CCDC178: variants seen among roughly 807,000 people sequenced by gnomAD.
CCDC178 encodes the protein coiled-coil domain-containing protein 178.
CCDC178 carries 126 observed loss-of-function variants against 117.4 expected under a neutral mutation model. The observed-to-expected ratio is 1.07, with a 90% CI of 0.93 to 1.24. The LOEUF is 1.24. CCDC178 is among the 50% of genes most tolerant of loss of function. The pLI, the probability that CCDC178 is intolerant of heterozygous loss-of-function variation, is 0.00. For missense variants in CCDC178, 1,030 were observed against 986.9 expected, an observed-to-expected ratio of 1.04 and a Z score of -0.59; for synonymous variants, 283 against 313.4, an observed-to-expected ratio of 0.90 and a Z score of 1.02.
intron 21 of CCDC178, among the ~76,000 whole-genome samples, chr18:32,999,582 TG>T (rs2055590158): frequency 6.6e-6 from 1 of 152,178 alleles, no homozygotes; most frequent in Non-Finnish European, 1.5e-5. Context: ...GTCCCAGTGG[TG>T]GTGGCCACAG....
intron 20 of CCDC178, among the ~76,000 whole-genome samples, chr18:33,099,986 A>C (rs2057600221): frequency 6.6e-6 from 1 of 152,026 alleles, no homozygotes; most frequent in South Asian, 2.1e-4. Context: ...TGTTTAACAA[A>C]ATGCTCTCTA....
At chr18:33,257,353 A>T (rs755657763) in intron 14 of CCDC178, among the ~76,000 whole-genome samples, 1 of 152,104 alleles carries the variant, frequency 6.6e-6, no homozygotes, top group Non-Finnish European at 1.5e-5. Flanking sequence ...TCATGGGTAG[A>T]TTATTTTCTA....
intron 20 of CCDC178, among the ~76,000 whole-genome samples, chr18:33,099,004 G>A (rs952563900): frequency 1.3e-5 from 2 of 152,036 alleles, no homozygotes; most frequent in African/African-American, 2.4e-5. Context: ...TCAGAAGATC[G>A]AAGCTGCCCC....
At chr18:32,973,568 G>A (rs1568190693) in intron 22 of CCDC178, among the ~76,000 whole-genome samples, 1 of 150,334 alleles carries the variant, frequency 6.7e-6, no homozygotes, top group Non-Finnish European at 1.5e-5. Flanking sequence ...CATATATAAA[G>A]CACACACACA....
At chr18:33,014,896 TG>T (rs755406704) in intron 21 of CCDC178, among the ~76,000 whole-genome samples, 11 of 152,124 alleles carry the variant, frequency 7.2e-5, no homozygotes, top group Non-Finnish European at 1.3e-4. Flanking sequence ...TTTCCAGAGT[TG>T]CCAAATTATA....
At chr18:33,389,994 G>GTA (rs72346999) in intron 4 of CCDC178, among the ~76,000 whole-genome samples, 2,161 of 147,562 alleles carry the variant, frequency 0.015, 21 homozygotes, top group Non-Finnish European at 0.024. Flanking sequence ...ATGTGTATGT[G>GTA]TATATATATA....
At chr18:32,983,443 A>G in intron 21 of CCDC178, 1 of 720,804 alleles carries the variant, frequency 1.4e-6, no homozygotes, top group South Asian at 1.7e-5. Context: ...AAATAGTACA[A>G]CTGTAGAAGC....
intron 20 of CCDC178, among the ~76,000 whole-genome samples, chr18:33,166,947 T>G (rs1455439335): frequency 6.6e-6 from 1 of 152,148 alleles, no homozygotes; most frequent in Non-Finnish European, 1.5e-5. Context: ...CACCCTCAAG[T>G]AGGCCTTGAT....
chr18:33,262,589 A>C (rs1385491628), intron 14 of CCDC178, among the ~76,000 whole-genome samples: 1 of 152,130 alleles, frequency 6.6e-6, no homozygotes, highest in Non-Finnish European at 1.5e-5. Context: ...CCTTAGACTC[A>C]ATGTTGTCAC....
At position 33,229,121 on chromosome 18, in the gene CCDC178, G is replaced by A. The variant is rs75243251; in HGVS notation, c.1594-2266C>T. 1.9e-3 allele frequency among the ~76,000 whole-genome samples: 288 copies of A among 152,220 alleles called. 1 individual carries two copies. Among genetic ancestry groups the A allele is most frequent in the African/African-American group, 6.5e-3 (268 of 41,544 alleles). On this transcript the variant is annotated intron_variant, in intron 15 of 22. Transcript: ENST00000383096. ...GAGCATATTTGGAATCAACTCCTGTGGACAGGAGAGGAATGAAGCAGGATT... is the reference window on the plus strand; with the variant it reads ...GAGCATATTTGGAATCAACTCCTGTAGACAGGAGAGGAATGAAGCAGGATT...
intron 20 of CCDC178, among the ~76,000 whole-genome samples, chr18:33,170,115 T>C (rs954263142): frequency 1.3e-5 from 2 of 151,976 alleles, no homozygotes; most frequent in South Asian, 4.1e-4. Context: ...CTTCACTTTG[T>C]AGAAGGGTAA....
chr18:33,248,601 C>A (rs2059578505), intron 14 of CCDC178, among the ~76,000 whole-genome samples: 1 of 151,868 alleles, frequency 6.6e-6, no homozygotes, highest in South Asian at 2.1e-4. Context: ...TAAACTCATC[C>A]TTTTTTATGG....
At chr18:33,323,899 T>C (rs1481873234) in intron 10 of CCDC178, among the ~76,000 whole-genome samples, 2 of 151,824 alleles carry the variant, frequency 1.3e-5, no homozygotes, top group Non-Finnish European at 3.0e-5. Context: ...AAAAAATTTT[T>C]ATTACTCAAA....
At chr18:33,057,668 T>C (rs1407553323) in intron 21 of CCDC178, among the ~76,000 whole-genome samples, 1 of 152,120 alleles carries the variant, frequency 6.6e-6, no homozygotes, top group Admixed American at 6.5e-5. Context: ...ATGTTTGGTA[T>C]TTTTTTAGTA....
chr18:33,092,070 T>C (rs1270545757), intron 21 of CCDC178, among the ~76,000 whole-genome samples: 3 of 152,196 alleles, frequency 2.0e-5, no homozygotes, highest in African/African-American at 7.2e-5. Flanking sequence ...GTTAGGTTAA[T>C]TATTAAAAAA....
intron 7 of CCDC178, among the ~76,000 whole-genome samples, chr18:33,355,578 C>T (rs1228637490): frequency 1.3e-5 from 2 of 152,176 alleles, no homozygotes; most frequent in African/African-American, 4.8e-5. Flanking sequence ...ATTTTTCCAG[C>T]CCTCTGTGTT....
chr18:33,119,867 G>T (rs1429280504), intron 20 of CCDC178, among the ~76,000 whole-genome samples: 2 of 152,158 alleles, frequency 1.3e-5, no homozygotes, highest in Non-Finnish European at 2.9e-5. Flanking sequence ...AAAAAAGGAT[G>T]AATTCATGTC....
intron 20 of CCDC178, among the ~76,000 whole-genome samples, chr18:33,158,156 C>A (rs2058423009): frequency 6.6e-6 from 1 of 152,130 alleles, no homozygotes; most frequent in Non-Finnish European, 1.5e-5. Flanking sequence ...AAATTGCTTT[C>A]TTATCACTGA....
intron 21 of CCDC178, among the ~76,000 whole-genome samples, chr18:33,062,209 A>G (rs1028804367): frequency 1.3e-5 from 2 of 152,196 alleles, no homozygotes; most frequent in Non-Finnish European, 2.9e-5. Flanking sequence ...AAATGAAGTA[A>G]TTAGGATTTG....
Sources: gnomAD v4.1 joint callset for allele counts (sites outside exome capture counted in the v4.1 genomes callset) on GRCh38, gnomAD v4.1.1 for gene constraint, MANE v1.5 for transcripts, NCBI Gene and HGNC (gene_info 2026-07-23, HGNC 2026-07-21) for gene names.